Variants in FLI1 observed in about 807,000 individuals in gnomAD.
FLI1 encodes the protein Fli-1 proto-oncogene, ETS transcription factor.
FLI1 carries 13 observed loss-of-function variants against 53.1 expected under a neutral mutation model. That is an observed-to-expected ratio of 0.24 (90% CI 0.16 to 0.39). FLI1 has a LOEUF of 0.39. FLI1 is among the 10% of genes least tolerant of loss of function. The pLI, the probability that FLI1 is intolerant of heterozygous loss-of-function variation, is 1.00. For synonymous variants in FLI1, 244 were observed against 236.7 expected, an observed-to-expected ratio of 1.03 and a Z score of -0.28; for missense variants, 424 against 600.5, an observed-to-expected ratio of 0.71 and a Z score of 3.07.
intron 6 of FLI1, 73 bp from the exon 7 acceptor site, chr11:128,807,107 C>A: frequency 1.2e-6 from 1 of 842,074 alleles, no homozygotes; most frequent in Non-Finnish European, 1.8e-6. Context: ...TGAGAAAGCA[C>A]ATCTGTCAAG....
intron 4 of FLI1, among the ~76,000 whole-genome samples, chr11:128,773,793 C>A (rs767842232): frequency 6.6e-6 from 1 of 151,526 alleles, no homozygotes; most frequent in African/African-American, 2.4e-5. Flanking sequence ...TCAGTGCTAC[C>A]CCTAAGTATG....
chr11:128,699,707 A>G (rs1938239467), intron 1 of FLI1, among the ~76,000 whole-genome samples: 1 of 152,222 alleles, frequency 6.6e-6, no homozygotes, highest in African/African-American at 2.4e-5. Context: ...CACTGACCTG[A>G]TAGACCCACC....
intron 4 of FLI1, among the ~76,000 whole-genome samples, chr11:128,777,129 C>A (rs1183682725): frequency 6.6e-6 from 1 of 152,126 alleles, no homozygotes; most frequent in Non-Finnish European, 1.5e-5. Flanking sequence ...GCTGCGGGAA[C>A]GAGATTTGTC....
At position 128,782,653 on chromosome 11, in the gene FLI1, G is replaced by A. The variant is rs533583758; in HGVS notation, c.655+630G>A. Among the ~76,000 whole-genome samples, 14 of 152,272 alleles carry A rather than the reference G, an allele frequency of 9.2e-5. No individual in the cohort carries two copies. The South Asian group carries it at 2.1e-3, about 23-fold the overall frequency. ...GCAGAGGCTGCAATGAGCCGAGTTC[G>A]CGCCACTGCACTCCAGCCTGGGCGA... On this transcript the variant is annotated intron_variant, in intron 5 of 8. Coordinates refer to ENST00000527786, the MANE Select transcript of FLI1 (RefSeq NM_002017.5).
Position 128,762,463 on chromosome 11 carries a change from G to A in FLI1, c.230+4137G>A, listed in dbSNP as rs561205411. On this transcript the variant is annotated intron_variant, in intron 2 of 8. Transcript: ENST00000527786. The stretch of plus-strand genomic sequence containing the variant: ...AATACGGTTAGTTGAAAATTGAAAT[G>A]TGCTCTAAATATAAACCACATACTG... Among the ~76,000 whole-genome samples, 4 of 152,302 alleles carry A rather than the reference G, an allele frequency of 2.6e-5. No homozygotes were observed. The East Asian group carries it at 7.7e-4, about 29-fold the overall frequency.
At chr11:128,702,680 G>A (rs1431087153) in intron 1 of FLI1, among the ~76,000 whole-genome samples, 1 of 152,174 alleles carries the variant, frequency 6.6e-6, no homozygotes, top group Non-Finnish European at 1.5e-5. Context: ...TGGCCAATAT[G>A]GTGAAACCCT....
intron 1 of FLI1, among the ~76,000 whole-genome samples, chr11:128,751,128 C>A (rs1940624486): frequency 6.6e-6 from 1 of 152,170 alleles, no homozygotes; most frequent in Non-Finnish European, 1.5e-5. Flanking sequence ...AGTGGACACG[C>A]AGATTAGTGA....
At chr11:128,712,915 T>C (rs1381581007) in intron 1 of FLI1, among the ~76,000 whole-genome samples, 2 of 152,224 alleles carry the variant, frequency 1.3e-5, no homozygotes, top group Admixed American at 6.5e-5. Context: ...ACACCTCCTG[T>C]GGTTTTAGAA....
intron 7 of FLI1, among the ~76,000 whole-genome samples, chr11:128,807,800 G>A (rs76879410): frequency 6.6e-6 from 1 of 152,042 alleles, no homozygotes; most frequent in Non-Finnish European, 1.5e-5. Flanking sequence ...TTCTAGCTGG[G>A]CTCAGTTCCA....
At chr11:128,778,932 A>C (rs1941827407) in intron 4 of FLI1, among the ~76,000 whole-genome samples, 1 of 151,558 alleles carries the variant, frequency 6.6e-6, no homozygotes, top group African/African-American at 2.4e-5. Flanking sequence ...AGAGGAGGGA[A>C]TCTAGGTCCC....
chr11:128,781,577 A>G (rs915184530), intron 4 of FLI1, among the ~76,000 whole-genome samples: 2 of 152,176 alleles, frequency 1.3e-5, no homozygotes, highest in Non-Finnish European at 2.9e-5. Context: ...TCACTCACCA[A>G]CTGTCACATG....
intron 1 of FLI1, among the ~76,000 whole-genome samples, chr11:128,697,127 C>T (rs1938114580): frequency 6.6e-6 from 1 of 152,216 alleles, no homozygotes; most frequent in Non-Finnish European, 1.5e-5. Context: ...CACGCCCCTG[C>T]TTCCCACACT....
At chr11:128,693,308 G>A (rs955661020), upstream of FLI1, 7 of 152,442 alleles carry the variant, frequency 4.6e-5, no homozygotes, top group Admixed American at 2.6e-4. Context: ...CTGACAGCGC[G>A]GGTCAGCCCG....
At chr11:128,695,873 A>G (rs1452000563) in intron 1 of FLI1, 1 of 152,228 alleles carries the variant, frequency 6.6e-6, no homozygotes, top group South Asian at 2.1e-4. Flanking sequence ...GCTCCCCTCT[A>G]GAAAACTCCC....
chr11:128,717,702 T>G (rs1400069186), intron 1 of FLI1, among the ~76,000 whole-genome samples: 3 of 152,220 alleles, frequency 2.0e-5, no homozygotes, highest in Non-Finnish European at 2.9e-5. Flanking sequence ...GCTAAATGTG[T>G]CATGCTACAT....
chr11:128,686,521 C>T, upstream of FLI1: 1 of 456,398 alleles, frequency 2.2e-6, no homozygotes, highest in South Asian at 1.5e-5. Context: ...CGGATCTGAG[C>T]TTCCCAAACC....
At chr11:128,687,203 C>A (rs1937596195) in intron 1 of FLI1, among the ~76,000 whole-genome samples, 1 of 152,204 alleles carries the variant, frequency 6.6e-6, no homozygotes, top group Admixed American at 6.5e-5. Context: ...AGCCCACCTT[C>A]TTTGGCCCCG....
At chr11:128,750,254 A>C (rs1006681023) in intron 1 of FLI1, among the ~76,000 whole-genome samples, 1 of 152,000 alleles carries the variant, frequency 6.6e-6, no homozygotes. Flanking sequence ...TTCACCAGAC[A>C]CCTCCAGCCA....
chr11:128,752,546 G>T (rs905354901), intron 1 of FLI1, among the ~76,000 whole-genome samples: 4 of 152,176 alleles, frequency 2.6e-5, no homozygotes, highest in Admixed American at 1.3e-4. Context: ...AGAGCTTATG[G>T]TCTAATTGAG....
Sources: gnomAD v4.1 joint callset for allele counts (sites outside exome capture counted in the v4.1 genomes callset) on GRCh38, gnomAD v4.1.1 for gene constraint, MANE v1.5 for transcripts, NCBI Gene and HGNC (gene_info 2026-07-23, HGNC 2026-07-21) for gene names.